The following PLCL2 variants were observed in gnomAD, a reference collection of about 807,000 sequenced individuals.
The protein encoded by PLCL2 is phospholipase C like 2.
In PLCL2, 4 loss-of-function variants were observed where a neutral mutation model predicts 79.6. The ratio of observed to expected loss-of-function variants is 0.05; its 90% confidence interval spans 0.02 to 0.11. The LOEUF (loss-of-function observed/expected upper bound fraction) is 0.11. Ranked by LOEUF, PLCL2 falls within the 10% of genes least tolerant of loss-of-function variation. PLCL2 has a pLI of 1.00. For synonymous variants in PLCL2, 484 were observed against 457.7 expected, an observed-to-expected ratio of 1.06 and a Z score of -0.73; for missense variants, 895 against 1,291.0, an observed-to-expected ratio of 0.69 and a Z score of 4.70.
chr3:16,899,386 C>T (rs1406934938), intron 1 of PLCL2, among the ~76,000 whole-genome samples: 1 of 152,202 alleles, frequency 6.6e-6, no homozygotes, highest in Non-Finnish European at 1.5e-5. Flanking sequence ...TGTTTGAAAA[C>T]AGCAACAACA....
chr3:16,897,442 G>T (rs1696509454), intron 1 of PLCL2, among the ~76,000 whole-genome samples: 1 of 152,124 alleles, frequency 6.6e-6, no homozygotes, highest in African/African-American at 2.4e-5. Context: ...CTATATAGGT[G>T]TACCCATGGC....
At chr3:17,025,012 C>A (rs1017366426) in intron 3 of PLCL2, among the ~76,000 whole-genome samples, 2 of 152,156 alleles carry the variant, frequency 1.3e-5, no homozygotes, top group Non-Finnish European at 2.9e-5. Context: ...GAGCCACACC[C>A]TATTGGAGGG....
chr3:17,051,981 C>CT (rs952322935), intron 4 of PLCL2, among the ~76,000 whole-genome samples: 36 of 151,958 alleles, frequency 2.4e-4, no homozygotes, highest in Admixed American at 2.2e-3. Context: ...TCATAAGTAC[C>CT]TTTAAGGCTC....
intron 5 of PLCL2, among the ~76,000 whole-genome samples, chr3:17,079,684 A>T (rs1200148133): frequency 1.3e-5 from 2 of 152,192 alleles, no homozygotes; most frequent in African/African-American, 4.8e-5. Context: ...TCTTTGGTGA[A>T]GGAAAAGTAA....
chr3:16,932,266 A>T (rs1697421402), intron 1 of PLCL2, among the ~76,000 whole-genome samples: 1 of 152,254 alleles, frequency 6.6e-6, no homozygotes, highest in Admixed American at 6.5e-5. Flanking sequence ...AGCTGTTAGC[A>T]TACGCATTGT....
In PLCL2 at chr3:16,945,856, A is replaced by G. The variant is rs150140652; in HGVS notation, c.327+60490A>G. On this transcript the variant is annotated intron_variant, in intron 1 of 5. Coordinates refer to ENST00000615277, the MANE Select transcript of PLCL2 (RefSeq NM_001144382.2). The stretch of plus-strand genomic sequence containing the variant: ...GACCTTTCTGACCCAAGCGCCATTT[A>G]CCCATCGCTTCCTTTTATCTTCTGC... Among the ~76,000 whole-genome samples the G allele has an allele frequency of 7.2e-5, 11 of 152,252 alleles. No individual in the cohort carries two copies. The East Asian group carries it at 1.7e-3, about 24-fold the overall frequency.
At chr3:17,023,583 A>T (rs764938166) in intron 3 of PLCL2, among the ~76,000 whole-genome samples, 2 of 152,166 alleles carry the variant, frequency 1.3e-5, no homozygotes, top group Non-Finnish European at 2.9e-5. Flanking sequence ...ACCTTCTGCC[A>T]TGATTGTGAG....
At chr3:16,945,019 C>T (rs910004437) in intron 1 of PLCL2, among the ~76,000 whole-genome samples, 6 of 152,306 alleles carry the variant, frequency 3.9e-5, no homozygotes, top group African/African-American at 1.2e-4. Flanking sequence ...CTGGGCCTCC[C>T]AGAGTGCTGG....
At chr3:16,995,116 C>T (rs2064140741) in intron 1 of PLCL2, among the ~76,000 whole-genome samples, 2 of 152,364 alleles carry the variant, frequency 1.3e-5, no homozygotes, top group South Asian at 4.1e-4. Context: ...AAATTCCAGC[C>T]AAGGGCTGGG....
intron 3 of PLCL2, among the ~76,000 whole-genome samples, chr3:17,037,263 T>C (rs2124915506): frequency 6.6e-6 from 1 of 152,306 alleles, no homozygotes; most frequent in South Asian, 2.1e-4. Flanking sequence ...CCTGGGCGTT[T>C]ACTGGTCCAC....
chr3:16,888,750 G>C (rs143955327), intron 1 of PLCL2, among the ~76,000 whole-genome samples: 43 of 152,290 alleles, frequency 2.8e-4, no homozygotes, highest in African/African-American at 9.9e-4. Flanking sequence ...ATATGAAGTA[G>C]CATTTTAGGC....
rs182686680 is a variant in PLCL2 at position 16,963,301 on chromosome 3, A to T, written c.328-46373A>T. On this transcript the variant is annotated intron_variant, in intron 1 of 5. Transcript: ENST00000615277. ...TCTACATATATATATACATACACAC[A>T]TATGTTAGTATTTTAAGCAATATAT... Among the ~76,000 whole-genome samples, 4 of 152,156 alleles carry T rather than the reference A, an allele frequency of 2.6e-5. No individual in the cohort carries two copies. The East Asian group carries it at 7.7e-4, about 29-fold the overall frequency.
intron 1 of PLCL2, among the ~76,000 whole-genome samples, chr3:16,995,315 T>C (rs1340855269): frequency 6.6e-6 from 1 of 152,264 alleles, no homozygotes; most frequent in African/African-American, 2.4e-5. Flanking sequence ...TTTGTTGACC[T>C]TTTAAAACAG....
At chr3:16,977,524 T>C (rs563995840) in intron 1 of PLCL2, among the ~76,000 whole-genome samples, 1 of 152,346 alleles carries the variant, frequency 6.6e-6, no homozygotes, top group South Asian at 2.1e-4. Flanking sequence ...TCCCCCACTC[T>C]CTCTGAATTC....
chr3:16,923,190 T>C (rs1452489477), intron 1 of PLCL2, among the ~76,000 whole-genome samples: 1 of 152,186 alleles, frequency 6.6e-6, no homozygotes, highest in Non-Finnish European at 1.5e-5. Context: ...CAGTCTTTTG[T>C]CTCCTGTTGG....
At chr3:16,941,521 C>T (rs923702120) in intron 1 of PLCL2, among the ~76,000 whole-genome samples, 4 of 152,326 alleles carry the variant, frequency 2.6e-5, no homozygotes, top group South Asian at 4.1e-4. Context: ...TCGCCTGTCA[C>T]AGTATGTGCT....
chr3:17,002,915 G>A (rs1175093670), intron 1 of PLCL2, among the ~76,000 whole-genome samples: 1 of 151,418 alleles, frequency 6.6e-6, no homozygotes, highest in Non-Finnish European at 1.5e-5. Context: ...CATCTCTGAT[G>A]TGGGTTTTTT....
At chr3:16,965,391 G>C (rs939773178) in intron 1 of PLCL2, among the ~76,000 whole-genome samples, 1 of 151,974 alleles carries the variant, frequency 6.6e-6, no homozygotes, top group Non-Finnish European at 1.5e-5. Context: ...TGTCTGTTTT[G>C]GTACCAGTAC....
Position 16,887,779 on chromosome 3 carries a change from TTA to T in PLCL2, c.327+2415_327+2416del, listed in dbSNP as rs1696257957. Among the ~76,000 whole-genome samples the T allele has an allele frequency of 6.6e-6, 1 of 151,970 alleles. No individual in the cohort carries two copies. The highest frequency in any genetic ancestry group is 2.4e-5 in the African/African-American group (1 of 41,346). On this transcript the variant is annotated intron_variant, in intron 1 of 5. Transcript: ENST00000615277. The surrounding 1 kb of genome is among the most constrained non-coding windows in gnomAD (Gnocchi z 4.1). ...AGTTTTGTCATGTGAATGGCAGAAA[TTA>T]TGTTTCACTTTTGTTTAAAAAAAAA...
Sources: gnomAD v4.1 joint callset for allele counts (sites outside exome capture counted in the v4.1 genomes callset) on GRCh38, gnomAD v4.1.1 for gene constraint, Gnocchi (gnomAD v3.1) non-coding constraint, MANE v1.5 for transcripts, NCBI Gene and HGNC (gene_info 2026-07-23, HGNC 2026-07-21) for gene names.